The following PRR16 variants were observed in gnomAD, a reference collection of about 807,000 sequenced individuals.
The protein encoded by PRR16 is protein Largen.
In PRR16, 6 loss-of-function variants were observed where a neutral mutation model predicts 18.2. The observed-to-expected ratio is 0.33, with a 90% CI of 0.18 to 0.65. The LOEUF (loss-of-function observed/expected upper bound fraction) is 0.65, where lower values mean the gene tolerates loss of function less well. PRR16 is among the 30% of genes least tolerant of loss of function. The probability of loss-of-function intolerance (pLI) is 0.74; values close to 1 mark genes in which losing one functional copy is unlikely to be tolerated. For missense variants in PRR16, 412 were observed against 376.6 expected, an observed-to-expected ratio of 1.09 and a Z score of -0.78; for synonymous variants, 151 against 147.8, an observed-to-expected ratio of 1.02 and a Z score of -0.16.
chr5:120,527,885 A>G (rs935279714), intron 1 of PRR16, among the ~76,000 whole-genome samples: 2 of 152,224 alleles, frequency 1.3e-5, no homozygotes, highest in African/African-American at 4.8e-5. Flanking sequence ...GAAATTGACA[A>G]TAAGAATGGA....
At chr5:120,481,619 A>T (rs1219282950) in intron 1 of PRR16, among the ~76,000 whole-genome samples, 1 of 152,172 alleles carries the variant, frequency 6.6e-6, no homozygotes, top group Non-Finnish European at 1.5e-5. Context: ...ATTAATCAAT[A>T]CAGTGGAATA....
At chr5:120,754,443 ATATAT>A in the PRR16 span, among the ~76,000 whole-genome samples, 1 of 89,418 alleles carries the variant, frequency 1.1e-5, no homozygotes, top group Admixed American at 1.8e-4. Flanking sequence ...AGTATATAGT[ATATAT>A]TATATAATAT....
At chr5:120,735,880 C>T in the PRR16 span, among the ~76,000 whole-genome samples, 1 of 152,020 alleles carries the variant, frequency 6.6e-6, no homozygotes, top group Non-Finnish European at 1.5e-5. Context: ...TTGTGTTATT[C>T]AAAAATCATT....
intron 1 of PRR16, among the ~76,000 whole-genome samples, chr5:120,652,722 C>A (rs773830580): frequency 5.1e-4 from 78 of 152,020 alleles, no homozygotes; most frequent in Non-Finnish European, 1.0e-3. Context: ...ATGATACATA[C>A]AGTATCTTCA....
chr5:120,502,758 C>T (rs947415705), intron 1 of PRR16, among the ~76,000 whole-genome samples: 1 of 152,168 alleles, frequency 6.6e-6, no homozygotes. Flanking sequence ...CCAGCAATTT[C>T]TAGTTCAACC....
At chr5:120,775,198 A>C in the PRR16 span, among the ~76,000 whole-genome samples, 1 of 152,158 alleles carries the variant, frequency 6.6e-6, no homozygotes, top group African/African-American at 2.4e-5. Context: ...TTTACTCTTG[A>C]TATATTACAT....
intron 1 of PRR16, among the ~76,000 whole-genome samples, chr5:120,667,291 A>C (rs376891972): frequency 1.4e-4 from 21 of 150,884 alleles, no homozygotes; most frequent in African/African-American, 4.6e-4. Context: ...CTGTGGGATC[A>C]GTGGTGATAT....
At chr5:120,649,901 C>G (rs1356076312) in intron 1 of PRR16, among the ~76,000 whole-genome samples, 1 of 151,724 alleles carries the variant, frequency 6.6e-6, no homozygotes, top group Non-Finnish European at 1.5e-5. Context: ...CATCATTATT[C>G]TGTATTTGTG....
chr5:120,788,550 T>C, the PRR16 span, among the ~76,000 whole-genome samples: 1 of 152,076 alleles, frequency 6.6e-6, no homozygotes, highest in South Asian at 2.1e-4. Flanking sequence ...GCTGGTTTCC[T>C]TTACATACAT....
chr5:120,618,815 C>G (rs13173880), intron 1 of PRR16, among the ~76,000 whole-genome samples: 122,803 of 151,504 alleles, frequency 0.81, 49,928 homozygotes, highest in East Asian at 0.91. Flanking sequence ...ATATTAACTT[C>G]CCAATTAGCA....
chr5:120,488,364 G>C (rs1348169626), intron 1 of PRR16, among the ~76,000 whole-genome samples: 1 of 152,058 alleles, frequency 6.6e-6, no homozygotes, highest in Non-Finnish European at 1.5e-5. Context: ...ACTTCTTCCT[G>C]GCTTAGTCTT....
At chr5:120,468,716 T>C (rs759384756) in intron 1 of PRR16, among the ~76,000 whole-genome samples, 22 of 152,216 alleles carry the variant, frequency 1.4e-4, no homozygotes, top group Non-Finnish European at 3.2e-4. Flanking sequence ...ACATATCTTA[T>C]TGGTCAGAGT....
At chr5:120,769,602 A>G in the PRR16 span, among the ~76,000 whole-genome samples, 1 of 151,832 alleles carries the variant, frequency 6.6e-6, no homozygotes, top group Admixed American at 6.6e-5. Flanking sequence ...TTCTTTATCC[A>G]TTAATCTGTC....
chr5:120,574,027 T>C (rs1273601646), intron 1 of PRR16, among the ~76,000 whole-genome samples: 1 of 152,060 alleles, frequency 6.6e-6, no homozygotes, highest in East Asian at 1.9e-4. Context: ...CATGATTTTG[T>C]AGTAGACAAA....
chr5:120,692,838 T>A, the PRR16 span, among the ~76,000 whole-genome samples: 1 of 152,190 alleles, frequency 6.6e-6, no homozygotes, highest in East Asian at 1.9e-4. Context: ...TGATGAGGAT[T>A]GAGTTTTATT....
chr5:120,600,432 T>C (rs1336499789), intron 1 of PRR16, among the ~76,000 whole-genome samples: 2 of 151,916 alleles, frequency 1.3e-5, no homozygotes, highest in African/African-American at 4.8e-5. Context: ...TGGGATTATT[T>C]CAATAGTTCA....
In PRR16 at chr5:120,562,010, A is replaced by C. The variant is rs569920437; in HGVS notation, c.159+97365A>C. ...GGTTTATTGTTTTTCTCTAGAGTGC[A>C]GATTAAGTCTGATGTTTCTTTGATG... On this transcript the variant is annotated intron_variant, in intron 1 of 1. Transcript: ENST00000407149. Among the ~76,000 whole-genome samples, 4 of 152,256 alleles carry C rather than the reference A, an allele frequency of 2.6e-5. No homozygotes were observed. The East Asian group carries it at 7.7e-4, about 29-fold the overall frequency.
intron 1 of PRR16, among the ~76,000 whole-genome samples, chr5:120,616,520 G>T (rs957729577): frequency 3.3e-5 from 5 of 152,104 alleles, no homozygotes; most frequent in African/African-American, 4.8e-5. Flanking sequence ...TTCACATTTT[G>T]TTCAGCAAGC....
At chr5:120,784,772 T>C in the PRR16 span, among the ~76,000 whole-genome samples, 5 of 152,222 alleles carry the variant, frequency 3.3e-5, no homozygotes, top group African/African-American at 1.2e-4. Flanking sequence ...TAGCACGTTT[T>C]ACATTTTTTG....
Sources: allele counts gnomAD v4.1 joint callset (sites outside exome capture counted in the v4.1 genomes callset), GRCh38; gene constraint gnomAD v4.1.1; transcripts MANE v1.5; gene names NCBI Gene and HGNC (gene_info 2026-07-23, HGNC 2026-07-21).